Variants in SPINK9 observed in about 807,000 individuals in gnomAD.
The protein encoded by SPINK9 is serine peptidase inhibitor Kazal type 9, also known as serine protease inhibitor Kazal-type 9.
Under a neutral mutation model 10.8 loss-of-function variants are expected in SPINK9, and 3 were observed. The observed-to-expected ratio is 0.28, with a 90% CI of 0.13 to 0.72. SPINK9 has a LOEUF of 0.72. Ranked by LOEUF, SPINK9 falls within the 30% of genes least tolerant of loss-of-function variation. The pLI is 0.74. For missense variants in SPINK9, 101 were observed against 103.2 expected, an observed-to-expected ratio of 0.98 and a Z score of 0.09; for synonymous variants, 30 against 31.2, an observed-to-expected ratio of 0.96 and a Z score of 0.12.
At chr5:148,336,603 C>T (rs1326776806) in intron 2 of SPINK9, 150 bp downstream of exon 2, 7 of 854,732 alleles carry the variant, frequency 8.2e-6, no homozygotes, top group Admixed American at 2.5e-5. Flanking sequence ...GTAGGCAGAT[C>T]TTTCTAAAAT....
At chr5:148,328,551 T>A (rs1757102145) in intron 2 of SPINK9, among the ~76,000 whole-genome samples, 1 of 151,934 alleles carries the variant, frequency 6.6e-6, no homozygotes, top group African/African-American at 2.4e-5. Flanking sequence ...TGAATAGGAG[T>A]GGTGAGAGAG....
At chr5:148,325,662 A>G (rs990268525) in intron 2 of SPINK9, among the ~76,000 whole-genome samples, 1 of 152,146 alleles carries the variant, frequency 6.6e-6, no homozygotes, top group African/African-American at 2.4e-5. Context: ...GTCTCATAAG[A>G]TACATGATTT....
At chr5:148,338,323 T>C (rs1757244391) in intron 2 of SPINK9, among the ~76,000 whole-genome samples, 155 bp from the exon 3 acceptor site, 2 of 152,156 alleles carry the variant, frequency 1.3e-5, no homozygotes, top group South Asian at 4.1e-4. Context: ...ATAAAACATC[T>C]TTACATTTGA....
chr5:148,327,071 T>A (rs182587504), intron 2 of SPINK9, among the ~76,000 whole-genome samples: 2 of 152,254 alleles, frequency 1.3e-5, no homozygotes, highest in African/African-American at 4.8e-5. Context: ...TAGTTCTAGA[T>A]CCCCGAGGAA....
intron 1 of SPINK9, among the ~76,000 whole-genome samples, 165 bp from the exon 2 acceptor site, chr5:148,336,257 G>T (rs6894032): frequency 0.37 from 55,849 of 152,028 alleles, 12,109 homozygotes; most frequent in African/African-American, 0.61. Flanking sequence ...TTAAAGATAC[G>T]TGTGAAGAGC....
In SPINK9 at chr5:148,339,661, C is replaced by T; in HGVS notation, c.216-6C>T. 4 of 1,612,320 alleles carry T rather than the reference C, an allele frequency of 2.5e-6. No individual in the cohort carries two copies. Among genetic ancestry groups the T allele is most frequent in the African/African-American group, 1.3e-5 (1 of 74,962 alleles). ...TTTCTCATTTGTTGCTATATTCTCT[C>T]CACAGGAAAACTGACGGCACACTTA... On this transcript the variant is annotated splice_region_variant and splice_polypyrimidine_tract_variant and intron_variant, in intron 3 of 3. Transcript: ENST00000377906.
upstream of SPINK9, among the ~76,000 whole-genome samples, chr5:148,332,270 T>C (rs775965708): frequency 9.9e-5 from 15 of 152,216 alleles, no homozygotes; most frequent in Non-Finnish European, 1.9e-4. Context: ...TTAAATGCCA[T>C]AGAGAATCTG....
rs537921465 is a variant in SPINK9 at position 148,327,466 on chromosome 5, T to G, written c.118+3598T>G. Among the ~76,000 whole-genome samples the G allele has an allele frequency of 2.0e-5, 3 of 152,286 alleles. No homozygotes were observed. The South Asian group carries it at 6.2e-4, about 32-fold the overall frequency. ...CTCATTCTGTAGGTTGCCTGTTCAC[T>G]CTGATGGTGGTTTCTTTTGCTGTGC... On this transcript the variant is annotated intron_variant, in intron 2 of 4. Coordinates refer to the SPINK9 transcript ENST00000511717.
chr5:148,335,369 A>C (rs1483505756), upstream of SPINK9, among the ~76,000 whole-genome samples: 4 of 152,246 alleles, frequency 2.6e-5, no homozygotes, highest in Admixed American at 2.6e-4. Flanking sequence ...TTCTTCATCC[A>C]TCAGCCTGGG....
chr5:148,323,261 T>G (rs1257741581), intron 1 of SPINK9, among the ~76,000 whole-genome samples: 1 of 152,098 alleles, frequency 6.6e-6, no homozygotes, highest in Non-Finnish European at 1.5e-5. Flanking sequence ...GTTACAAAGT[T>G]AACAAGCAGA....
intron 1 of SPINK9, 43 bp from the exon 2 acceptor site, chr5:148,336,379 T>A (rs201225139): frequency 4.1e-5 from 66 of 1,601,710 alleles, no homozygotes; most frequent in Non-Finnish European, 5.6e-5. Flanking sequence ...AAGATTAGGT[T>A]CTTCCAGAGT....
intron 2 of SPINK9, among the ~76,000 whole-genome samples, chr5:148,326,217 T>C (rs991744027): frequency 6.6e-6 from 1 of 152,154 alleles, no homozygotes; most frequent in African/African-American, 2.4e-5. Flanking sequence ...ACCTGTTAGA[T>C]TGGCTAGGAT....
Position 148,330,194 on chromosome 5 carries a change from T to C in SPINK9, c.119-6228T>C, listed in dbSNP as rs544765664. ...CTTTATGAATCTGGGTGCTCCTGTA[T>C]TGGGTGCACATTTATTTAGGATAGT... On this transcript the variant is annotated intron_variant, in intron 2 of 4. Coordinates refer to the SPINK9 transcript ENST00000511717. Among the ~76,000 whole-genome samples the C allele has an allele frequency of 2.0e-3, 299 of 152,332 alleles. 2 individuals carry two copies. The highest frequency in any genetic ancestry group is 6.8e-3 in the African/African-American group (282 of 41,560).
Position 148,338,416 on chromosome 5 carries a change from C to T in SPINK9, c.88-62C>T. On this transcript the variant is annotated intron_variant, in intron 2 of 3. Coordinates refer to ENST00000377906, the MANE Select transcript of SPINK9 (RefSeq NM_001040433.2). The stretch of plus-strand genomic sequence containing the variant: ...AGCCCTCTGAGCTTGCTTGAAAAAT[C>T]CTAAATCCTGATAATAAAGATTTGG... 2.0e-6 allele frequency: 3 copies of T among 1,522,894 alleles called. No individual in the cohort carries two copies. The South Asian group carries it at 3.9e-5, about 20-fold the overall frequency. The allele number at this position is 1,522,894 out of a possible 1,614,324, so 94.3% of individuals were successfully genotyped here.
chr5:148,325,661 G>C (rs1757049423), intron 2 of SPINK9, among the ~76,000 whole-genome samples: 1 of 151,996 alleles, frequency 6.6e-6, no homozygotes, highest in Non-Finnish European at 1.5e-5. Context: ...TGTCTCATAA[G>C]ATACATGATT....
At chr5:148,336,380 C>T in intron 1 of SPINK9, 42 bp from the exon 2 acceptor site, 2 of 1,602,670 alleles carry the variant, frequency 1.2e-6, no homozygotes, top group Non-Finnish European at 1.7e-6. Flanking sequence ...AGATTAGGTT[C>T]TTCCAGAGTT....
intron 2 of SPINK9, among the ~76,000 whole-genome samples, chr5:148,337,379 G>C (rs1258740604): frequency 6.6e-6 from 1 of 152,158 alleles, no homozygotes; most frequent in Non-Finnish European, 1.5e-5. Flanking sequence ...ACCTTAGCCC[G>C]ATAACAGGAG....
upstream of SPINK9, among the ~76,000 whole-genome samples, chr5:148,330,966 AT>A: frequency 6.6e-6 from 1 of 152,116 alleles, no homozygotes; most frequent in East Asian, 1.9e-4. Context: ...GAGTGACCCG[AT>A]TTTCCAGGTG....
upstream of SPINK9, among the ~76,000 whole-genome samples, chr5:148,334,742 C>T (rs533412206): frequency 9.8e-4 from 149 of 151,882 alleles, 5 homozygotes; most frequent in South Asian, 0.03. Context: ...CTTTCTCAAA[C>T]TACATGAGAG....
Sources: allele counts gnomAD v4.1 joint callset (sites outside exome capture counted in the v4.1 genomes callset), GRCh38; gene constraint gnomAD v4.1.1; transcripts MANE v1.5; gene names NCBI Gene and HGNC (gene_info 2026-07-23, HGNC 2026-07-21).